Variants in WWC2 observed in about 807,000 individuals in gnomAD.
WWC2 encodes the protein WW and C2 domain containing 2, also known as protein WWC2.
A neutral mutation model predicts 138.5 loss-of-function variants in WWC2; 101 were observed. The ratio of observed to expected loss-of-function variants is 0.73; its 90% CI spans 0.62 to 0.86. WWC2 has a LOEUF of 0.86. WWC2 is among the 40% of genes least tolerant of loss of function. The probability of loss-of-function intolerance (pLI) is 0.00; values close to 1 mark genes in which losing one functional copy is unlikely to be tolerated. For synonymous variants in WWC2, 558 were observed against 538.4 expected (o/e 1.04, Z -0.50); for missense variants, 1,420 against 1,419.4 (o/e 1.00, Z -0.01).
At chr4:183,160,612 A>T (rs891243452) in intron 1 of WWC2, among the ~76,000 whole-genome samples, 5 of 152,222 alleles carry the variant, frequency 3.3e-5, no homozygotes, top group African/African-American at 1.2e-4. Context: ...GTTTAAAAAA[A>T]ATCCCAATCA....
chr4:183,185,834 A>G lies in WWC2; in HGVS notation c.132-7765A>G, dbSNP rs1416652584. 1.3e-5 allele frequency among the ~76,000 whole-genome samples: 2 copies of G among 151,862 alleles called. 1 individual carries two copies. The highest frequency in any genetic ancestry group is 2.9e-5 in the Non-Finnish European group (2 of 68,002). ...AAGTATACCTACTTTGCAGAGTTTT[A>G]TGTATGTACATTTATGTATATTAGA... On this transcript the variant is annotated intron_variant, in intron 1 of 22. Transcript: ENST00000403733.
intron 16 of WWC2, among the ~76,000 whole-genome samples, chr4:183,276,131 A>G (rs1191282959): frequency 6.6e-6 from 1 of 152,088 alleles, no homozygotes; most frequent in Non-Finnish European, 1.5e-5. Context: ...TAGTAAAGCT[A>G]CATATCAGCC....
At chr4:183,187,211 T>A (rs1002399680) in intron 1 of WWC2, among the ~76,000 whole-genome samples, 3 of 152,032 alleles carry the variant, frequency 2.0e-5, no homozygotes, top group Non-Finnish European at 4.4e-5. Flanking sequence ...ACGTTTCACA[T>A]AAAACACAAA....
intron 6 of WWC2, among the ~76,000 whole-genome samples, chr4:183,248,375 G>A (rs1736862326): frequency 6.6e-6 from 1 of 152,188 alleles, no homozygotes; most frequent in Non-Finnish European, 1.5e-5. Context: ...TCAGCTGCAT[G>A]AAGTGAGTGG....
At chr4:183,120,328 A>G (rs1216240868) in intron 1 of WWC2, among the ~76,000 whole-genome samples, 1 of 152,238 alleles carries the variant, frequency 6.6e-6, no homozygotes, top group East Asian at 1.9e-4. Flanking sequence ...ACAAAGAAAG[A>G]TGTATTAGTG....
chr4:183,223,380 A>G lies in WWC2; in HGVS notation c.522+14355A>G, dbSNP rs182014332. ...TAAACAATATACATGAGTAGAGAGAATAGTATAATTTTCTCCCATATTTCC... is the reference window on the plus strand; with the variant it reads ...TAAACAATATACATGAGTAGAGAGAGTAGTATAATTTTCTCCCATATTTCC... On this transcript the variant is annotated intron_variant, in intron 4 of 22. Coordinates refer to ENST00000403733, the MANE Select transcript of WWC2 (RefSeq NM_024949.6). Among the ~76,000 whole-genome samples the G allele has an allele frequency of 1.2e-3, 190 of 152,362 alleles. 2 individuals carry two copies. The highest frequency in any genetic ancestry group is 4.4e-3 in the African/African-American group (182 of 41,584).
chr4:183,147,002 A>G (rs1451807461), intron 1 of WWC2, among the ~76,000 whole-genome samples: 1 of 152,200 alleles, frequency 6.6e-6, no homozygotes, highest in African/African-American at 2.4e-5. Flanking sequence ...AAGCTTGTTA[A>G]AATAGTTTCC....
At chr4:183,261,590 T>G in intron 11 of WWC2, 58 bp downstream of exon 11, 3 of 1,499,554 alleles carry the variant, frequency 2.0e-6, no homozygotes, top group Non-Finnish European at 2.7e-6. Flanking sequence ...GGAGAATGAT[T>G]GGAGCATTAT....
chr4:183,303,448 C>T (rs78238304), intron 21 of WWC2, among the ~76,000 whole-genome samples: 3,365 of 152,246 alleles, frequency 0.022, 126 homozygotes, highest in African/African-American at 0.077. Flanking sequence ...CTTAGCATAC[C>T]TACAAGAGGG....
chr4:183,268,279 G>A (rs1419354991), intron 14 of WWC2, among the ~76,000 whole-genome samples: 2 of 152,140 alleles, frequency 1.3e-5, no homozygotes, highest in Non-Finnish European at 2.9e-5. Flanking sequence ...AGAATTGTGG[G>A]TCCTCATACA....
At chr4:183,217,149 C>T (rs572666122) in intron 4 of WWC2, among the ~76,000 whole-genome samples, 1 of 152,188 alleles carries the variant, frequency 6.6e-6, no homozygotes, top group Admixed American at 6.5e-5. Context: ...GAACAAAGTC[C>T]AGGATCCTTT....
At chr4:183,167,629 T>A (rs1734162168) in intron 1 of WWC2, among the ~76,000 whole-genome samples, 1 of 152,086 alleles carries the variant, frequency 6.6e-6, no homozygotes, top group South Asian at 2.1e-4. Flanking sequence ...CTTGGCTTAG[T>A]GGAGATAGAG....
At chr4:183,230,982 A>T (rs1045662478) in intron 4 of WWC2, among the ~76,000 whole-genome samples, 2 of 152,224 alleles carry the variant, frequency 1.3e-5, no homozygotes, top group African/African-American at 4.8e-5. Context: ...TATTACCATG[A>T]GTGAAATTCC....
rs1339685136 is a variant in WWC2, at chr4:183,319,085, A to G, written c.*3356A>G. The G allele has an allele frequency of 6.3e-6, 1 of 157,852 alleles. No homozygotes were observed. Among genetic ancestry groups the G allele is most frequent in the Admixed American group, 6.0e-5 (1 of 16,692 alleles). 9.8% of individuals were successfully genotyped at this position (157,852 alleles called of 1,614,324 possible). On this transcript the variant is annotated 3_prime_UTR_variant, in exon 23 of 23. Transcript: ENST00000403733. Reference sequence around the variant, plus strand: ...ATTCAGAAGGAGATGATGTGTCTACACCTTTCACCTCTGAAGCTTCTAAAG... The same window carrying G: ...ATTCAGAAGGAGATGATGTGTCTACGCCTTTCACCTCTGAAGCTTCTAAAG...
At chr4:183,123,959 T>G (rs1732682110) in intron 1 of WWC2, among the ~76,000 whole-genome samples, 1 of 152,226 alleles carries the variant, frequency 6.6e-6, no homozygotes, top group Non-Finnish European at 1.5e-5. Flanking sequence ...AATGTTATGC[T>G]GACTTCCTAA....
At chr4:183,125,506 T>A (rs2111058173) in intron 1 of WWC2, among the ~76,000 whole-genome samples, 1 of 152,338 alleles carries the variant, frequency 6.6e-6, no homozygotes, top group African/African-American at 2.4e-5. Flanking sequence ...TTTAAGCCAG[T>A]TGTGTACGTG....
At chr4:183,204,082 T>C (rs1735378251) in intron 2 of WWC2, among the ~76,000 whole-genome samples, 1 of 152,064 alleles carries the variant, frequency 6.6e-6, no homozygotes, top group South Asian at 2.1e-4. Context: ...AGAAAGAAAG[T>C]GGAGGGAAAA....
At chr4:183,214,558 C>T (rs531047030) in intron 4 of WWC2, among the ~76,000 whole-genome samples, 36 of 151,908 alleles carry the variant, frequency 2.4e-4, no homozygotes, top group African/African-American at 5.1e-4. Context: ...TTTGGGAGGT[C>T]GAGGTGGGCG....
In WWC2 at chr4:183,227,635, AT is replaced by A. The variant is rs1190665384; in HGVS notation, c.523-12546del. Among the ~76,000 whole-genome samples, 9 of 152,246 alleles carry A rather than the reference AT, an allele frequency of 5.9e-5. No homozygotes were observed. In the East Asian group the frequency reaches 7.7e-4, roughly 13 times the overall value. ...AACAAACTAAGTAGAAGTTCTACAA[AT>A]TAATCACGTAATGAATTAAAAATCA... On this transcript the variant is annotated intron_variant, in intron 4 of 22. Transcript: ENST00000403733.
Sources: gnomAD v4.1 joint callset for allele counts (sites outside exome capture counted in the v4.1 genomes callset) on GRCh38, gnomAD v4.1.1 for gene constraint, MANE v1.5 for transcripts, NCBI Gene and HGNC (gene_info 2026-07-23, HGNC 2026-07-21) for gene names.